CCDC91: variants seen among roughly 807,000 people sequenced by gnomAD.
CCDC91 encodes the protein coiled-coil domain containing 91.
Under a neutral mutation model 63.2 loss-of-function variants are expected in CCDC91, and 48 were observed. The ratio of observed to expected loss-of-function variants is 0.76; its 90% CI spans 0.60 to 0.97. CCDC91 has a LOEUF of 0.97. CCDC91 is among the 50% of genes least tolerant of loss of function. CCDC91 has a pLI of 0.00. For synonymous variants in CCDC91, 167 were observed against 165.8 expected (o/e 1.01, Z -0.06); for missense variants, 500 against 494.6 (o/e 1.01, Z -0.10).
intron 3 of CCDC91, among the ~76,000 whole-genome samples, chr12:28,280,627 C>T (rs74075324): frequency 6.6e-6 from 1 of 151,464 alleles, no homozygotes; most frequent in African/African-American, 2.4e-5. Flanking sequence ...TTGTAAATAC[C>T]CTTCTATTAA....
intron 6 of CCDC91, among the ~76,000 whole-genome samples, chr12:28,311,035 A>G (rs1436957344): frequency 2.6e-5 from 4 of 152,108 alleles, no homozygotes; most frequent in Non-Finnish European, 5.9e-5. Context: ...TCTTATTTAA[A>G]TCTTGTATTT....
At chr12:28,205,883 C>T (rs903408062) in intron 1 of CCDC91, among the ~76,000 whole-genome samples, 10 of 152,166 alleles carry the variant, frequency 6.6e-5, no homozygotes, top group African/African-American at 1.7e-4. Flanking sequence ...TAGCAGTTCT[C>T]CCCTTTTGCT....
At chr12:28,256,082 T>C (rs1946422176) in intron 1 of CCDC91, 2 of 152,180 alleles carry the variant, frequency 1.3e-5, no homozygotes, top group Admixed American at 6.5e-5. Flanking sequence ...CATTTGGGTA[T>C]GTTCACTTAA....
At chr12:28,409,122 A>T (rs1947154169) in intron 8 of CCDC91, among the ~76,000 whole-genome samples, 1 of 152,078 alleles carries the variant, frequency 6.6e-6, no homozygotes, top group South Asian at 2.1e-4. Flanking sequence ...CTTCTAATAC[A>T]ATGTTTAAAT....
Position 28,337,655 on chromosome 12 carries a change from T to A in CCDC91, c.577-24783T>A, listed in dbSNP as rs1942091001. On this transcript the variant is annotated intron_variant, in intron 6 of 12. Coordinates refer to ENST00000536442, the MANE Select transcript of CCDC91 (RefSeq NM_018318.5). ...TACATTGTCAGTGCTTATCTCATAC[T>A]CATCTATTGATCCACTTAATACATG... Among the ~76,000 whole-genome samples, 3 of 152,252 alleles carry A rather than the reference T, an allele frequency of 2.0e-5. No individual in the cohort carries two copies. The South Asian group carries it at 6.2e-4, about 32-fold the overall frequency.
At chr12:28,246,004 C>T (rs1945706415) in intron 1 of CCDC91, among the ~76,000 whole-genome samples, 1 of 152,118 alleles carries the variant, frequency 6.6e-6, no homozygotes, top group South Asian at 2.1e-4. Flanking sequence ...ATCCTGTAAA[C>T]TACCCAGATG....
rs186032913 is a variant in CCDC91, at chr12:28,269,735, G to A, written c.109+10293G>A. On this transcript the variant is annotated intron_variant, in intron 3 of 12. Coordinates refer to ENST00000536442, the MANE Select transcript of CCDC91 (RefSeq NM_018318.5). ...TAAAACATGATTTGATTATAATTTT[G>A]GAGGTTGTAATTTTGACTTATGATA... 3.3e-5 allele frequency among the ~76,000 whole-genome samples: 5 copies of A among 152,176 alleles called. No individual in the cohort carries two copies. In the East Asian group the frequency reaches 7.7e-4, roughly 24 times the overall value.
chr12:28,324,131 C>T (rs1411242404), intron 6 of CCDC91, among the ~76,000 whole-genome samples: 2 of 151,324 alleles, frequency 1.3e-5, no homozygotes, highest in African/African-American at 4.9e-5. Flanking sequence ...TAAAGAAATA[C>T]AAATAAAGTT....
intron 8 of CCDC91, among the ~76,000 whole-genome samples, chr12:28,448,829 A>G (rs1165168590): frequency 6.6e-6 from 1 of 151,994 alleles, no homozygotes; most frequent in African/African-American, 2.4e-5. Context: ...GCCTGGTATA[A>G]TATCTTTGTA....
At chr12:28,208,855 C>T (rs556871513) in intron 1 of CCDC91, among the ~76,000 whole-genome samples, 1 of 152,208 alleles carries the variant, frequency 6.6e-6, no homozygotes, top group African/African-American at 2.4e-5. Context: ...GGCTGGAGTG[C>T]AGTGGCATGA....
intron 8 of CCDC91, among the ~76,000 whole-genome samples, chr12:28,441,057 CAA>C (rs60278449): frequency 3.4e-4 from 18 of 52,674 alleles, no homozygotes; most frequent in South Asian, 1.2e-3. Flanking sequence ...GACTCCATCT[CAA>C]AAAAAAAAAA....
intron 8 of CCDC91, among the ~76,000 whole-genome samples, chr12:28,419,040 CT>C (rs941403794): frequency 3.9e-5 from 6 of 152,026 alleles, no homozygotes; most frequent in African/African-American, 1.4e-4. Flanking sequence ...TTCATTCACT[CT>C]TTTTTTGTCA....
At chr12:28,479,677 A>G (rs1439647923) in intron 11 of CCDC91, among the ~76,000 whole-genome samples, 2 of 152,064 alleles carry the variant, frequency 1.3e-5, no homozygotes, top group Non-Finnish European at 2.9e-5. Context: ...AAACACAGAT[A>G]CAAATTTCTG....
chr12:28,541,242 A>G (rs938892356), intron 12 of CCDC91, among the ~76,000 whole-genome samples: 3 of 152,158 alleles, frequency 2.0e-5, no homozygotes, highest in African/African-American at 7.2e-5. Context: ...AACAGTTAAA[A>G]CAAGAAAAGG....
intron 12 of CCDC91, among the ~76,000 whole-genome samples, chr12:28,485,099 G>A (rs1951648796): frequency 6.6e-6 from 1 of 151,420 alleles, no homozygotes; most frequent in African/African-American, 2.4e-5. Context: ...ATATTATCCT[G>A]CAGTTGGCAG....
chr12:28,541,296 A>G (rs1247753286), intron 12 of CCDC91, among the ~76,000 whole-genome samples: 1 of 146,548 alleles, frequency 6.8e-6, no homozygotes, highest in African/African-American at 2.6e-5. Flanking sequence ...CATGTAATAT[A>G]AAGTAAGTTT....
chr12:28,482,275 T>C (rs1377814002), intron 11 of CCDC91, among the ~76,000 whole-genome samples: 1 of 142,186 alleles, frequency 7.0e-6, no homozygotes, highest in Non-Finnish European at 1.6e-5. Context: ...AGATGCTGAA[T>C]AGTTTTATTC....
At chr12:28,283,663 A>G (rs1948739144) in intron 3 of CCDC91, among the ~76,000 whole-genome samples, 2 of 152,176 alleles carry the variant, frequency 1.3e-5, no homozygotes, top group African/African-American at 4.8e-5. Flanking sequence ...GCATATATAT[A>G]GTATTTCTTG....
chr12:28,192,139 T>C (rs945191462), intron 1 of CCDC91, among the ~76,000 whole-genome samples: 2 of 152,184 alleles, frequency 1.3e-5, no homozygotes, highest in African/African-American at 4.8e-5. Flanking sequence ...CAAAAGAAAC[T>C]GCAGAAAATC....
Sources: gnomAD v4.1 joint callset for allele counts (sites outside exome capture counted in the v4.1 genomes callset) on GRCh38, gnomAD v4.1.1 for gene constraint, MANE v1.5 for transcripts, NCBI Gene and HGNC (gene_info 2026-07-23, HGNC 2026-07-21) for gene names.